Variants in GRID2 observed in about 807,000 individuals in gnomAD.
GRID2 encodes glutamate receptor ionotropic, delta-2.
In GRID2, 33 loss-of-function variants were observed where a neutral mutation model predicts 114.8. The ratio of observed to expected loss-of-function variants is 0.29; its 90% CI spans 0.22 to 0.38. The LOEUF is 0.38. Among genes scored for constraint, GRID2 ranks in the 10% least tolerant of loss-of-function variants. GRID2 has a pLI of 1.00. For synonymous variants in GRID2, 505 were observed against 449.9 expected, an observed-to-expected ratio of 1.12 and a Z score of -1.55; for missense variants, 1,184 against 1,257.7, an observed-to-expected ratio of 0.94 and a Z score of 0.89.
intron 1 of GRID2, among the ~76,000 whole-genome samples, chr4:92,412,681 C>A (rs1731396579): frequency 6.6e-6 from 1 of 151,886 alleles, no homozygotes; most frequent in Non-Finnish European, 1.5e-5. Flanking sequence ...AACTATTCAT[C>A]CCTGCCATAC....
At chr4:92,905,352 C>A (rs572199579) in intron 2 of GRID2, among the ~76,000 whole-genome samples, 1 of 152,000 alleles carries the variant, frequency 6.6e-6, no homozygotes, top group African/African-American at 2.4e-5. Flanking sequence ...CTAAAAAAAT[C>A]AACATGACTC....
intron 1 of GRID2, among the ~76,000 whole-genome samples, chr4:92,575,816 G>A (rs2149197368): frequency 6.6e-6 from 1 of 152,296 alleles, no homozygotes; most frequent in South Asian, 2.1e-4. Context: ...AGCCAAGGTG[G>A]TGGCCACCCC....
At chr4:92,976,793 A>G (rs1753907444) in intron 2 of GRID2, among the ~76,000 whole-genome samples, 1 of 152,192 alleles carries the variant, frequency 6.6e-6, no homozygotes, top group African/African-American at 2.4e-5. Flanking sequence ...TCATGGATAT[A>G]TTAGCCAGTT....
chr4:93,567,385 C>T (rs1735531414), intron 13 of GRID2, among the ~76,000 whole-genome samples: 1 of 152,112 alleles, frequency 6.6e-6, no homozygotes, highest in African/African-American at 2.4e-5. Flanking sequence ...AACACTCGTA[C>T]AAATCAAAGC....
intron 2 of GRID2, among the ~76,000 whole-genome samples, chr4:92,823,291 A>C (rs1034721700): frequency 7.9e-5 from 12 of 152,164 alleles, no homozygotes; most frequent in Non-Finnish European, 1.8e-4. Flanking sequence ...ACAATATATA[A>C]GTAATGAAAA....
At chr4:93,696,410 C>G (rs1310700466) in intron 14 of GRID2, among the ~76,000 whole-genome samples, 1 of 152,172 alleles carries the variant, frequency 6.6e-6, no homozygotes, top group Admixed American at 6.5e-5. Context: ...TCCTAATTAT[C>G]TCACTCAATA....
chr4:92,352,100 ACTAATTCCCATCAACAGTGT>A (rs1728095383), intron 1 of GRID2, among the ~76,000 whole-genome samples: 1 of 151,776 alleles, frequency 6.6e-6, no homozygotes, highest in Admixed American at 6.6e-5. Flanking sequence ...CACTGGGTGT[ACTAATTCCCATCAACAGTGT>A]ATTAGATTTC....
intron 2 of GRID2, among the ~76,000 whole-genome samples, chr4:93,076,669 G>T (rs1729340232): frequency 7.0e-6 from 1 of 143,690 alleles, no homozygotes; most frequent in African/African-American, 2.6e-5. Flanking sequence ...CCAGGCTGGA[G>T]TGCAATGGCG....
chr4:93,552,157 G>C (rs1201820761), intron 13 of GRID2, among the ~76,000 whole-genome samples: 2 of 151,172 alleles, frequency 1.3e-5, no homozygotes, highest in Non-Finnish European at 2.9e-5. Context: ...GTGATAGTTT[G>C]CTGAGAATGA....
At chr4:93,584,164 A>G (rs1737297665) in intron 13 of GRID2, among the ~76,000 whole-genome samples, 1 of 152,202 alleles carries the variant, frequency 6.6e-6, no homozygotes, top group South Asian at 2.1e-4. Flanking sequence ...TTACCTTGGG[A>G]AAAAACATAT....
At chr4:93,719,464 G>T (rs756446488) in intron 14 of GRID2, among the ~76,000 whole-genome samples, 12 of 151,800 alleles carry the variant, frequency 7.9e-5, no homozygotes, top group Non-Finnish European at 1.0e-4. Context: ...TATAGATAAA[G>T]TGATTTTTTT....
intron 2 of GRID2, among the ~76,000 whole-genome samples, chr4:92,682,861 A>C (rs2149285896): frequency 6.6e-6 from 1 of 152,296 alleles, no homozygotes; most frequent in African/African-American, 2.4e-5. Context: ...CTGGTAAATT[A>C]CTAGTAAGTT....
At chr4:93,148,631 G>C (rs12648848) in intron 4 of GRID2, among the ~76,000 whole-genome samples, 1 of 152,040 alleles carries the variant, frequency 6.6e-6, no homozygotes, top group Non-Finnish European at 1.5e-5. Context: ...GGAGGTATTA[G>C]TTTAAATATG....
At chr4:93,265,002 C>T (rs896268785) in intron 8 of GRID2, among the ~76,000 whole-genome samples, 18 of 151,710 alleles carry the variant, frequency 1.2e-4, no homozygotes, top group Admixed American at 5.9e-4. Flanking sequence ...AGGATGGTCT[C>T]GATCTCTTGA....
At chr4:92,443,598 T>C (rs1733253434) in intron 1 of GRID2, among the ~76,000 whole-genome samples, 3 of 151,942 alleles carry the variant, frequency 2.0e-5, no homozygotes, top group Admixed American at 6.6e-5. Flanking sequence ...AGATACGAGG[T>C]TGGGGTACTT....
chr4:92,541,743 A>G lies in GRID2; in HGVS notation c.89-48388A>G, dbSNP rs902506080. Among the ~76,000 whole-genome samples, 7 of 152,128 alleles carry G rather than the reference A, an allele frequency of 4.6e-5. No individual in the cohort carries two copies. In the East Asian group the frequency reaches 1.4e-3, roughly 29 times the overall value. On this transcript the variant is annotated intron_variant, in intron 1 of 15. Coordinates refer to ENST00000282020, the MANE Select transcript of GRID2 (RefSeq NM_001510.4). ...TTAAATGATGATAGTGTTTGCATCCATGTAGAGGGTGAGAGTGGGCAATGA... is the reference window on the plus strand; with the variant it reads ...TTAAATGATGATAGTGTTTGCATCCGTGTAGAGGGTGAGAGTGGGCAATGA...
At chr4:93,426,539 T>A (rs977439477) in intron 10 of GRID2, among the ~76,000 whole-genome samples, 6 of 152,164 alleles carry the variant, frequency 3.9e-5, no homozygotes, top group Non-Finnish European at 8.8e-5. Context: ...GTTTTTAATT[T>A]GTTTTATGTG....
intron 2 of GRID2, among the ~76,000 whole-genome samples, chr4:92,862,908 T>C (rs748183028): frequency 3.9e-5 from 6 of 152,098 alleles, no homozygotes; most frequent in Non-Finnish European, 8.8e-5. Context: ...TGCAGACTCC[T>C]GGCACTTGAG....
intron 8 of GRID2, among the ~76,000 whole-genome samples, chr4:93,354,602 A>C (rs979998325): frequency 6.6e-6 from 1 of 151,208 alleles, no homozygotes; most frequent in East Asian, 2.0e-4. Flanking sequence ...TTAAACACTT[A>C]ACGTGATTTT....
Sources: gnomAD v4.1 joint callset for allele counts (sites outside exome capture counted in the v4.1 genomes callset) on GRCh38, gnomAD v4.1.1 for gene constraint, MANE v1.5 for transcripts, NCBI Gene and HGNC (gene_info 2026-07-23, HGNC 2026-07-21) for gene names.